The following CDH10 variants were observed in gnomAD, a reference collection of about 807,000 sequenced individuals.
The protein encoded by CDH10 is cadherin 10, also known as cadherin-10.
Under a neutral mutation model 73.1 loss-of-function variants are expected in CDH10, and 30 were observed. The observed-to-expected ratio is 0.41, with a 90% CI of 0.31 to 0.56. The LOEUF (loss-of-function observed/expected upper bound fraction) is 0.56, where lower values mean the gene tolerates loss of function less well. Ranked by LOEUF, CDH10 falls within the 20% of genes least tolerant of loss-of-function variation. The pLI is 0.27. For synonymous variants in CDH10, 345 were observed against 348.2 expected (o/e 0.99, Z 0.10); for missense variants, 815 against 973.7 (o/e 0.84, Z 2.17).
chr5:24,495,617 G>A (rs1222856345), intron 9 of CDH10, among the ~76,000 whole-genome samples: 2 of 152,102 alleles, frequency 1.3e-5, no homozygotes, highest in African/African-American at 4.8e-5. Context: ...GGGAGGTCAA[G>A]GTGGGCGGAT....
chr5:24,516,841 T>A (rs1743126623), intron 5 of CDH10, among the ~76,000 whole-genome samples: 1 of 151,666 alleles, frequency 6.6e-6, no homozygotes, highest in Admixed American at 6.6e-5. Context: ...TATGCCTGGT[T>A]GCTTCTGCTT....
chr5:24,627,831 C>A (rs2112186491), intron 1 of CDH10, among the ~76,000 whole-genome samples: 1 of 152,130 alleles, frequency 6.6e-6, no homozygotes. Context: ...GATAGCTTTA[C>A]ATATACGAAC....
chr5:24,637,803 C>T (rs1197166371), intron 1 of CDH10, among the ~76,000 whole-genome samples: 2 of 151,746 alleles, frequency 1.3e-5, no homozygotes, highest in African/African-American at 4.8e-5. Context: ...TACTGAGCCC[C>T]TAAGTACTAT....
intron 5 of CDH10, among the ~76,000 whole-genome samples, chr5:24,519,130 A>T (rs373922985): frequency 4.9e-4 from 74 of 151,960 alleles, no homozygotes; most frequent in African/African-American, 1.7e-3. Context: ...GCCTCAAGAG[A>T]TCCACCTGCC....
At chr5:24,641,344 GA>G (rs915271965) in intron 1 of CDH10, among the ~76,000 whole-genome samples, 168 of 150,842 alleles carry the variant, frequency 1.1e-3, no homozygotes, top group African/African-American at 3.6e-3. Flanking sequence ...TCTTATGCAT[GA>G]AAAAAAAATC....
chr5:24,579,132 A>T (rs879705372), intron 2 of CDH10, among the ~76,000 whole-genome samples: 11 of 151,690 alleles, frequency 7.3e-5, no homozygotes, highest in Non-Finnish European at 1.5e-4. Flanking sequence ...ATATTCATTT[A>T]TGAGTAAAAA....
At chr5:24,528,963 TG>T (rs1743630614) in intron 5 of CDH10, among the ~76,000 whole-genome samples, 1 of 151,988 alleles carries the variant, frequency 6.6e-6, no homozygotes. Context: ...TTTATGTTGG[TG>T]CAAAAGTAAT....
chr5:24,593,480 T>C lies in CDH10; in HGVS notation c.11A>G (p.His4Arg), dbSNP rs767947109. The C allele has an allele frequency of 5.7e-6, 9 of 1,571,334 alleles. No homozygotes were observed. The highest frequency in any genetic ancestry group is 1.8e-6 in the Non-Finnish European group (2 of 1,141,542). MTI[H>R]QFLLLFLFWV... ...GAATAGAAACAGTAGCAAAAATTGA[T>C]GTATTGTCATAGTTCACTTCTTGAC... is the stretch of plus-strand genomic sequence containing the variant. The change falls in exon 2 of 12, where the codon CAT becomes CGT. Residue 4 changes from histidine (H) to arginine (R), a missense_variant. Around this residue, in one of 3 missense-constraint regions of CDH10, gnomAD observed 58 missense variants for 96.7 expected, o/e 0.60. Transcript: ENST00000264463.
intron 2 of CDH10, among the ~76,000 whole-genome samples, chr5:24,550,931 C>T (rs1744518769): frequency 1.3e-5 from 2 of 152,112 alleles, no homozygotes; most frequent in African/African-American, 4.8e-5. Context: ...AGTCCCTTAG[C>T]TTCTTTTTCG....
chr5:24,597,150 A>G (rs1292450941), intron 1 of CDH10, among the ~76,000 whole-genome samples: 1 of 152,086 alleles, frequency 6.6e-6, no homozygotes, highest in Non-Finnish European at 1.5e-5. Flanking sequence ...AATTATTAAA[A>G]CATCCTTCAG....
intron 2 of CDH10, among the ~76,000 whole-genome samples, chr5:24,576,749 A>C (rs1290422642): frequency 6.6e-6 from 1 of 152,156 alleles, no homozygotes; most frequent in Non-Finnish European, 1.5e-5. Flanking sequence ...TTGTAAATCT[A>C]CACTTCAAAA....
intron 2 of CDH10, among the ~76,000 whole-genome samples, chr5:24,545,316 C>A (rs972549523): frequency 6.6e-6 from 1 of 152,104 alleles, no homozygotes; most frequent in African/African-American, 2.4e-5. Context: ...ACACAGGTGT[C>A]TAGGAAGTTG....
intron 11 of CDH10, among the ~76,000 whole-genome samples, chr5:24,488,398 AAAT>A (rs1741922844): frequency 6.6e-6 from 1 of 152,124 alleles, no homozygotes; most frequent in East Asian, 1.9e-4. Context: ...AATATTCCTT[AAAT>A]ATAGTGACTT....
In CDH10 at chr5:24,487,613, A is replaced by G; in HGVS notation, c.*50T>C. The G allele has an allele frequency of 6.5e-7, 1 of 1,532,886 alleles. No individual in the cohort carries two copies. Among genetic ancestry groups the G allele is most frequent in the South Asian group, 1.3e-5 (1 of 79,532 alleles). The allele number at this position is 1,532,886 out of a possible 1,614,324, so 95.0% of individuals were successfully genotyped here. A position where few individuals can be genotyped will look rare whatever the true frequency, so the allele number is the denominator to read the frequency against. Reference sequence around the variant, plus strand: ...ATATCAAATATTGTGAAGTGGAGACAGCATGGGTAGAGTTACTTTCTCTTG... The same window carrying G: ...ATATCAAATATTGTGAAGTGGAGACGGCATGGGTAGAGTTACTTTCTCTTG... On this transcript the variant is annotated 3_prime_UTR_variant, in exon 12 of 12. Transcript: ENST00000264463.
chr5:24,617,826 T>C (rs1263401746), intron 1 of CDH10, among the ~76,000 whole-genome samples: 1 of 152,216 alleles, frequency 6.6e-6, no homozygotes, highest in Non-Finnish European at 1.5e-5. Context: ...CCTGATGCAC[T>C]TGGATCACTT....
intron 2 of CDH10, among the ~76,000 whole-genome samples, chr5:24,586,940 G>A (rs1173282191): frequency 7.0e-6 from 1 of 143,524 alleles, no homozygotes; most frequent in Non-Finnish European, 1.5e-5. Context: ...CGCCTCCCGG[G>A]TTCACGCCAT....
Position 24,564,155 on chromosome 5 carries a change from G to C in CDH10, c.232-26481C>G, listed in dbSNP as rs529016982. On this transcript the variant is annotated intron_variant, in intron 2 of 11. Transcript: ENST00000264463. ...TAATATGTGTATTCATTGCTATTGG[G>C]ACACTGCTTTCCCCAGACCCTCTTC... 2.0e-5 allele frequency among the ~76,000 whole-genome samples: 3 copies of C among 152,202 alleles called. No homozygotes were observed. In the South Asian group the frequency reaches 6.2e-4, roughly 32 times the overall value.
At chr5:24,529,536 A>G (rs909226485) in intron 5 of CDH10, among the ~76,000 whole-genome samples, 1 of 152,038 alleles carries the variant, frequency 6.6e-6, no homozygotes, top group Non-Finnish European at 1.5e-5. Flanking sequence ...ATTTGTCACT[A>G]TTCTCAATAA....
At chr5:24,590,005 T>C (rs539653830) in intron 2 of CDH10, among the ~76,000 whole-genome samples, 5 of 152,126 alleles carry the variant, frequency 3.3e-5, no homozygotes, top group African/African-American at 1.2e-4. Flanking sequence ...CATATTCCAA[T>C]AAATTCCAGT....
Sources: gnomAD v4.1 joint callset for allele counts (sites outside exome capture counted in the v4.1 genomes callset) on GRCh38, gnomAD v4.1.1 for gene constraint, gnomAD v4.1.1 regional missense constraint, MANE v1.5 for transcripts, NCBI Gene and HGNC (gene_info 2026-07-23, HGNC 2026-07-21) for gene names.